The following LRP1B variants were observed in gnomAD, a reference collection of about 807,000 sequenced individuals.
The protein encoded by LRP1B is LDL receptor related protein 1B.
LRP1B carries 217 observed loss-of-function variants against 556.6 expected under a neutral mutation model. The observed-to-expected ratio is 0.39, with a 90% CI of 0.35 to 0.44. The LOEUF (loss-of-function observed/expected upper bound fraction) is 0.44, where lower values mean the gene tolerates loss of function less well. Ranked by LOEUF, LRP1B falls within the 20% of genes least tolerant of loss-of-function variation. The pLI, the probability that LRP1B is intolerant of heterozygous loss-of-function variation, is 1.00. For missense variants in LRP1B, 5,053 were observed against 5,620.8 expected, an observed-to-expected ratio of 0.90 and a Z score of 3.23; for synonymous variants, 2,047 against 1,865.8, an observed-to-expected ratio of 1.10 and a Z score of -2.50.
intron 32 of LRP1B, among the ~76,000 whole-genome samples, chr2:140,779,568 G>A (rs949067531): frequency 3.3e-5 from 5 of 151,832 alleles, no homozygotes; most frequent in East Asian, 3.9e-4. Context: ...GGTGATGTGC[G>A]CCTGTAATCC....
chr2:141,557,199 C>T (rs1402433011), intron 2 of LRP1B, among the ~76,000 whole-genome samples: 2 of 151,306 alleles, frequency 1.3e-5, no homozygotes, highest in Non-Finnish European at 3.0e-5. Context: ...TAAAAACAAG[C>T]AAAACAAACA....
intron 2 of LRP1B, among the ~76,000 whole-genome samples, chr2:141,801,041 G>T (rs1333981845): frequency 6.6e-6 from 1 of 152,088 alleles, no homozygotes; most frequent in Non-Finnish European, 1.5e-5. Context: ...ACAAAATTCT[G>T]CAAAAGCCCT....
intron 3 of LRP1B, among the ~76,000 whole-genome samples, chr2:141,304,450 A>C (rs1225755410): frequency 6.8e-6 from 1 of 147,152 alleles, no homozygotes; most frequent in Non-Finnish European, 1.5e-5. Flanking sequence ...TTGTATATTG[A>C]GAAAGTAGGA....
chr2:141,376,202 G>C (rs1033216439), intron 3 of LRP1B, among the ~76,000 whole-genome samples: 2 of 152,142 alleles, frequency 1.3e-5, no homozygotes, highest in African/African-American at 4.8e-5. Context: ...ATTCCATATG[G>C]GTTCTCTTTT....
intron 1 of LRP1B, among the ~76,000 whole-genome samples, chr2:142,046,601 T>G (rs1023108082): frequency 1.3e-5 from 2 of 151,960 alleles, no homozygotes; most frequent in Non-Finnish European, 2.9e-5. Flanking sequence ...AAATAGAACG[T>G]GTGTAAAAGT....
In LRP1B at chr2:141,702,026, T is replaced by C. The variant is rs563616565; in HGVS notation, c.205+108253A>G. ...ACCAAATGCCAAACAACCACAGAGTTCTTCAGACCAAGGCAGGCACAATCC... is the reference window on the plus strand; with the variant it reads ...ACCAAATGCCAAACAACCACAGAGTCCTTCAGACCAAGGCAGGCACAATCC... On this transcript the variant is annotated intron_variant, in intron 2 of 90. Coordinates refer to ENST00000389484, the MANE Select transcript of LRP1B (RefSeq NM_018557.3). Among the ~76,000 whole-genome samples, 3 of 151,992 alleles carry C rather than the reference T, an allele frequency of 2.0e-5. No homozygotes were observed. In the South Asian group the frequency reaches 6.2e-4, roughly 31 times the overall value.
chr2:140,716,196 T>C, intron 36 of LRP1B, 94 bp from the exon 37 acceptor site: 4 of 906,948 alleles, frequency 4.4e-6, no homozygotes, highest in Non-Finnish European at 6.6e-6. Context: ...TTCACATAAC[T>C]ATCAAGAAAC....
intron 21 of LRP1B, among the ~76,000 whole-genome samples, chr2:140,918,707 C>G (rs1033700121): frequency 2.0e-5 from 3 of 151,910 alleles, no homozygotes; most frequent in Non-Finnish European, 2.9e-5. Flanking sequence ...AATCCTAATC[C>G]CCAGTGTGAT....
At chr2:142,021,231 C>T (rs1421275949) in intron 1 of LRP1B, among the ~76,000 whole-genome samples, 1 of 152,022 alleles carries the variant, frequency 6.6e-6, no homozygotes, top group African/African-American at 2.4e-5. Flanking sequence ...GGTGACACTA[C>T]CAAATTCTCT....
intron 3 of LRP1B, among the ~76,000 whole-genome samples, chr2:141,290,650 T>G (rs1172040359): frequency 1.3e-5 from 2 of 152,128 alleles, no homozygotes; most frequent in Non-Finnish European, 2.9e-5. Context: ...GACCTTTTCC[T>G]GCAAATATTA....
chr2:140,458,175 C>G (rs191499260), intron 60 of LRP1B, among the ~76,000 whole-genome samples: 13 of 152,084 alleles, frequency 8.5e-5, no homozygotes, highest in Non-Finnish European at 1.5e-4. Context: ...CTACTATAAA[C>G]CTTTTCAGCC....
chr2:141,179,220 C>T (rs1680884225), intron 7 of LRP1B, among the ~76,000 whole-genome samples: 1 of 151,970 alleles, frequency 6.6e-6, no homozygotes, highest in African/African-American at 2.4e-5. Context: ...GAGCTCCAAA[C>T]ACTTTAGACA....
At chr2:140,813,086 C>T (rs1014018058) in intron 32 of LRP1B, among the ~76,000 whole-genome samples, 4 of 152,176 alleles carry the variant, frequency 2.6e-5, no homozygotes, top group African/African-American at 9.6e-5. Context: ...CCATACCTCC[C>T]TTTTAGCTTC....
intron 1 of LRP1B, among the ~76,000 whole-genome samples, chr2:141,851,767 G>A (rs1250422629): frequency 2.0e-5 from 3 of 151,310 alleles, no homozygotes; most frequent in Non-Finnish European, 4.4e-5. Context: ...AGTGCTTTCC[G>A]CCACATGGAC....
Position 140,257,047 on chromosome 2 carries a change from G to A in LRP1B, c.13248-9885C>T, listed in dbSNP as rs1681725979. Among the ~76,000 whole-genome samples, 6 of 151,882 alleles carry A rather than the reference G, an allele frequency of 4.0e-5. No homozygotes were observed. The South Asian group carries it at 1.2e-3, about 31-fold the overall frequency. ...TTTTCTGCTACCATCCTAATATGATGATAATATCAGCAATTATTAATCTAT... is the reference window on the plus strand; with the variant it reads ...TTTTCTGCTACCATCCTAATATGATAATAATATCAGCAATTATTAATCTAT... On this transcript the variant is annotated intron_variant, in intron 86 of 90. Coordinates refer to ENST00000389484, the MANE Select transcript of LRP1B (RefSeq NM_018557.3).
chr2:140,788,409 A>AT (rs554223647), intron 32 of LRP1B, among the ~76,000 whole-genome samples: 125 of 152,242 alleles, frequency 8.2e-4, no homozygotes, highest in African/African-American at 2.7e-3. Flanking sequence ...AGGGACATAC[A>AT]TTTTCATGGA....
intron 7 of LRP1B, among the ~76,000 whole-genome samples, chr2:141,103,142 T>C (rs1444439889): frequency 1.3e-5 from 2 of 152,012 alleles, no homozygotes; most frequent in Non-Finnish European, 2.9e-5. Context: ...GCTTCATCCA[T>C]TTGATGCCAA....
intron 1 of LRP1B, among the ~76,000 whole-genome samples, chr2:141,822,953 C>T (rs1696804268): frequency 6.6e-6 from 1 of 152,148 alleles, no homozygotes; most frequent in South Asian, 2.1e-4. Context: ...AATAGATTAA[C>T]ACATTCCGTG....
At chr2:141,500,110 G>A (rs1683659871) in intron 2 of LRP1B, among the ~76,000 whole-genome samples, 2 of 152,216 alleles carry the variant, frequency 1.3e-5, no homozygotes, top group Admixed American at 6.6e-5. Flanking sequence ...AGAGGGGGAT[G>A]TCTTACTGAA....
Sources: allele counts gnomAD v4.1 joint callset (sites outside exome capture counted in the v4.1 genomes callset), GRCh38; gene constraint gnomAD v4.1.1; transcripts MANE v1.5; gene names NCBI Gene and HGNC (gene_info 2026-07-23, HGNC 2026-07-21).